Variants in ARHGEF10 observed in about 807,000 individuals in gnomAD.
The protein encoded by ARHGEF10 is Rho guanine nucleotide exchange factor 10, also known as Rho guanine nucleotide exchange factor (GEF) 10.
A neutral mutation model predicts 147.4 loss-of-function variants in ARHGEF10; 140 were observed. That is an observed-to-expected ratio of 0.95 (90% CI 0.83 to 1.09). The LOEUF (loss-of-function observed/expected upper bound fraction) is 1.09, where lower values mean the gene tolerates loss of function less well. Ranked by LOEUF, ARHGEF10 falls within the 50% of genes least tolerant of loss-of-function variation. The probability of loss-of-function intolerance (pLI) is 0.00; values close to 1 mark genes in which losing one functional copy is unlikely to be tolerated. For synonymous variants in ARHGEF10, 902 were observed against 695.8 expected, an observed-to-expected ratio of 1.30 and a Z score of -4.67; for missense variants, 2,222 against 1,752.7, an observed-to-expected ratio of 1.27 and a Z score of -4.78.
At chr8:1,858,215 A>AGTCCCCAGGTGAGTCCCCAGGTGG (rs1312863823) in intron 3 of ARHGEF10, 100 bp downstream of exon 3, 21 of 1,034,072 alleles carry the variant, frequency 2.0e-5, no homozygotes, top group African/African-American at 1.7e-4. Flanking sequence ...TTCCCAGGTG[A>AGTCCCCAGGTGAGTCCCCAGGTGG]GTCCCCAGGT....
At chr8:1,854,117 C>G (rs1805367647) in intron 2 of ARHGEF10, among the ~76,000 whole-genome samples, 1 of 152,218 alleles carries the variant, frequency 6.6e-6, no homozygotes, top group Non-Finnish European at 1.5e-5. Context: ...ACTAAGGGAC[C>G]TGGGGAGCTC....
chr8:1,903,204 G>C (rs1221673939), intron 15 of ARHGEF10, 77 bp from the exon 16 acceptor site: 1 of 1,555,320 alleles, frequency 6.4e-7, no homozygotes, highest in Non-Finnish European at 8.9e-7. Context: ...TCCATTGTCA[G>C]CTGGCGGGTG....
intron 11 of ARHGEF10, among the ~76,000 whole-genome samples, chr8:1,886,732 C>T (rs1808689695): frequency 6.6e-6 from 1 of 152,192 alleles, no homozygotes; most frequent in African/African-American, 2.4e-5. Flanking sequence ...TTCATCCTTG[C>T]AAATCCCGTT....
At chr8:1,860,782 C>T (rs1197906776) in intron 4 of ARHGEF10, among the ~76,000 whole-genome samples, 2 of 152,096 alleles carry the variant, frequency 1.3e-5, no homozygotes, top group East Asian at 3.9e-4. Context: ...TGCTAGATGA[C>T]AGTTACCGTT....
At chr8:1,917,664 A>T (rs1367495468) in intron 18 of ARHGEF10, among the ~76,000 whole-genome samples, 1 of 152,264 alleles carries the variant, frequency 6.6e-6, no homozygotes, top group Non-Finnish European at 1.5e-5. Flanking sequence ...CACTGCAGCG[A>T]CAAAGAACTT....
chr8:1,869,611 G>T (rs1003652209), intron 7 of ARHGEF10: 1 of 369,024 alleles, frequency 2.7e-6, no homozygotes, highest in Non-Finnish European at 5.1e-6. Flanking sequence ...AATAGTCAAA[G>T]AAATAACTAA....
chr8:1,879,899 G>C (rs1221202338), intron 8 of ARHGEF10, 149 bp from the exon 9 acceptor site: 2 of 725,296 alleles, frequency 2.8e-6, no homozygotes, highest in Middle Eastern at 2.4e-4. Flanking sequence ...GCTAGTAATG[G>C]GGACTCTCGC....
intron 8 of ARHGEF10, 74 bp from the exon 9 acceptor site, chr8:1,879,974 C>T: frequency 9.6e-7 from 1 of 1,041,154 alleles, no homozygotes; most frequent in East Asian, 2.4e-5. Flanking sequence ...TGCCAGCATC[C>T]TCTCAATGTA....
chr8:1,830,222 C>T (rs1284329023), intron 1 of ARHGEF10, among the ~76,000 whole-genome samples: 1 of 152,230 alleles, frequency 6.6e-6, no homozygotes, highest in African/African-American at 2.4e-5. Context: ...CCACTGCAAT[C>T]CGCAGGCATG....
chr8:1,859,955 G>A lies in ARHGEF10; in HGVS notation c.252G>A (p.Val84=), dbSNP rs954553955. 6.2e-7 allele frequency: 1 copy of A among 1,614,172 alleles called. No homozygotes were observed. Among genetic ancestry groups the A allele is most frequent in the Admixed American group, 1.7e-5 (1 of 60,024 alleles). ...CAGTGGCAGAGCCTACTAAGCTGGTGCTCCCGATGAAAGTCAACCCATATT... is the reference window on the plus strand; with the variant it reads ...CAGTGGCAGAGCCTACTAAGCTGGTACTCCCGATGAAAGTCAACCCATATT... ...TTPVAEPTKL[V]LPMKVNPYSV... is the part of the protein sequence containing the mutation. Residue 84 remains valine (V), a synonymous_variant, in exon 4 of 29, where the codon GTG becomes GTA. Transcript: ENST00000349830.
Position 1,864,411 on chromosome 8 carries a change from C to G in ARHGEF10, c.520C>G (p.Leu174Val). Residue 174 changes from leucine (L) to valine (V), a missense_variant, in exon 5 of 29, where the codon CTG becomes GTG. Leu to Val is a conservative substitution (Grantham distance 32, BLOSUM62 1). Transcript: ENST00000349830. ...CACAGAAGATCGCCAGCCCAATTCT[C>G]TGAGTTCCGAGGAGCCTCCAACCAG... is the stretch of plus-strand genomic sequence containing the variant. ...EVTEDRQPNS[L>V]SSEEPPTSED... The G allele has an allele frequency of 6.2e-7, 1 of 1,614,214 alleles. No individual in the cohort carries two copies. Among genetic ancestry groups the G allele is most frequent in the Admixed American group, 1.7e-5 (1 of 60,024 alleles).
chr8:1,901,433 G>A (rs147322708), intron 15 of ARHGEF10, among the ~76,000 whole-genome samples: 13 of 152,322 alleles, frequency 8.5e-5, no homozygotes, highest in South Asian at 6.2e-4. Context: ...CAGTGAAACC[G>A]GCTCACCCTG....
intron 27 of ARHGEF10, among the ~76,000 whole-genome samples, chr8:1,952,049 G>T (rs1460567718): frequency 6.6e-6 from 1 of 152,178 alleles, no homozygotes; most frequent in Non-Finnish European, 1.5e-5. Context: ...TAGTTTCTCT[G>T]GGCTTCAGAT....
At chr8:1,842,418 C>T (rs2078498306) in intron 1 of ARHGEF10, among the ~76,000 whole-genome samples, 1 of 148,356 alleles carries the variant, frequency 6.7e-6, no homozygotes, top group African/African-American at 2.5e-5. Context: ...TCTTGGCAGC[C>T]TGCCATCCCC....
At chr8:1,927,650 C>T (rs1469502643) in intron 23 of ARHGEF10, 3 of 152,308 alleles carry the variant, frequency 2.0e-5, no homozygotes, top group Admixed American at 6.5e-5. Context: ...CGTGGTGGCT[C>T]ATGCCTGTAA....
intron 10 of ARHGEF10, among the ~76,000 whole-genome samples, chr8:1,884,852 C>T (rs1563228146): frequency 6.6e-6 from 1 of 152,188 alleles, no homozygotes; most frequent in Non-Finnish European, 1.5e-5. Context: ...GCAGCCTCCA[C>T]CTCCTGGGTT....
At chr8:1,867,673 C>A (rs1806741943) in intron 6 of ARHGEF10, among the ~76,000 whole-genome samples, 1 of 152,296 alleles carries the variant, frequency 6.6e-6, no homozygotes, top group Non-Finnish European at 1.5e-5. Context: ...GCTTCAAAGG[C>A]TGAAAGATTT....
chr8:1,851,438 T>A lies in ARHGEF10; in HGVS notation c.38-6522T>A, dbSNP rs892229220. On this transcript the variant is annotated intron_variant, in intron 2 of 28. Coordinates refer to ENST00000349830, the MANE Select transcript of ARHGEF10 (RefSeq NM_014629.4). ...GCCTAACACACACCGTGGGCTTTAG[T>A]TAGTGACGTACCTCAGTGTTGGCTT... Among the ~76,000 whole-genome samples the A allele has an allele frequency of 7.2e-5, 11 of 151,976 alleles. No individual in the cohort carries two copies. In the East Asian group the frequency reaches 7.7e-4, roughly 11 times the overall value.
intron 2 of ARHGEF10, among the ~76,000 whole-genome samples, chr8:1,855,804 A>G (rs1585278971): frequency 2.0e-5 from 3 of 152,148 alleles, no homozygotes; most frequent in African/African-American, 7.2e-5. Context: ...TTCTGTGGAA[A>G]TGACAGTTGC....
Sources: allele counts gnomAD v4.1 joint callset (sites outside exome capture counted in the v4.1 genomes callset), GRCh38; gene constraint gnomAD v4.1.1; transcripts MANE v1.5; gene names NCBI Gene and HGNC (gene_info 2026-07-23, HGNC 2026-07-21).